WDR26: variants seen among roughly 807,000 people sequenced by gnomAD.
WDR26 encodes the protein WD repeat domain 26, also known as WD repeat-containing protein 26.
WDR26 carries 5 observed loss-of-function variants against 84.1 expected under a neutral mutation model. That is an observed-to-expected ratio of 0.06 (90% CI 0.03 to 0.13). The LOEUF (loss-of-function observed/expected upper bound fraction) is 0.13. Ranked by LOEUF, WDR26 falls within the 10% of genes least tolerant of loss-of-function variation. The pLI is 1.00. For missense variants in WDR26, 642 were observed against 974.9 expected (o/e 0.66, Z 4.55); for synonymous variants, 415 against 389.6 (o/e 1.07, Z -0.77).
At chr1:224,403,886 G>A (rs963830918) in intron 8 of WDR26, among the ~76,000 whole-genome samples, 3 of 152,164 alleles carry the variant, frequency 2.0e-5, no homozygotes, top group Admixed American at 6.5e-5. Context: ...GCAGTGAGCC[G>A]AGATTGCGCC....
chr1:224,399,132 A>AG, intron 9 of WDR26, 98 bp from the exon 10 acceptor site: 2 of 1,209,090 alleles, frequency 1.7e-6, no homozygotes, highest in East Asian at 2.9e-5. Flanking sequence ...TTTTAGTAAC[A>AG]GGTTTTTTTT....
intron 4 of WDR26, among the ~76,000 whole-genome samples, chr1:224,422,597 C>T (rs966267530): frequency 1.3e-5 from 2 of 152,134 alleles, no homozygotes; most frequent in African/African-American, 2.4e-5. Flanking sequence ...TGCCTATAAT[C>T]CCAGCTACTC....
intron 3 of WDR26, among the ~76,000 whole-genome samples, chr1:224,427,895 C>G (rs972538328): frequency 2.6e-5 from 4 of 151,994 alleles, no homozygotes; most frequent in Non-Finnish European, 5.9e-5. Context: ...AAAATTAAAG[C>G]TTGCTGAGAT....
intron 6 of WDR26, chr1:224,413,241 T>G: frequency 9.8e-7 from 1 of 1,025,390 alleles, no homozygotes; most frequent in Non-Finnish European, 1.2e-6. Context: ...ATTTAAACAA[T>G]AATGGATACA....
Position 224,433,989 on chromosome 1 carries a change from G to T in WDR26, c.417C>A (p.Asn139Lys). ...ACGACGACGAGGGGGACGACTCCCC[G>T]TTCTGGGCCGACAAGCAGGCGAGTT... Residue 139 changes from asparagine to lysine, a missense_variant, in exon 1 of 14, where the codon AAC becomes AAA. Around this residue, in one of 2 missense-constraint regions of WDR26, gnomAD observed 291 missense variants for 302.1 expected, o/e 0.96. Coordinates refer to ENST00000414423, the MANE Select transcript of WDR26 (RefSeq NM_001379403.1). 6.6e-7 allele frequency: 1 copy of T among 1,522,958 alleles called. No individual in the cohort carries two copies. The highest frequency in any genetic ancestry group is 8.8e-7 in the Non-Finnish European group (1 of 1,137,776). The allele number at this position is 1,522,958 out of a possible 1,614,324, so 94.3% of individuals were successfully genotyped here.
At position 224,433,916 on chromosome 1, in the gene WDR26, G is replaced by C; in HGVS notation, c.490C>G (p.Pro164Ala). 1 of 1,536,560 alleles carries C rather than the reference G, an allele frequency of 6.5e-7. No individual in the cohort carries two copies. ...TTGCTATTGTTGCTGGCGGCGGAGG[G>C]GGCGGAAGGCAGGAGCCCATTGGCG... The change falls in exon 1 of 14, where the codon CCC becomes GCC. Residue 164 changes from proline (P) to alanine (A), a missense_variant. Physicochemically the swap from Pro to Ala is conservative, Grantham distance 27. This residue lies in a region of WDR26 where 291 missense variants were observed against 302.1 expected (regional missense o/e 0.96). Transcript: ENST00000414423.
rs536886151 is a variant in WDR26 at position 224,387,352 on chromosome 1, G to A, written c.*2483C>T. The A allele has an allele frequency of 6.5e-6, 1 of 152,690 alleles. No individual in the cohort carries two copies. Among genetic ancestry groups the A allele is most frequent in the African/African-American group, 2.4e-5 (1 of 41,554 alleles). 9.5% of individuals were successfully genotyped at this position (152,690 alleles called of 1,614,324 possible). A position where few individuals can be genotyped will look rare whatever the true frequency, so the allele number is the denominator to read the frequency against. ...ATTTCACCTTTCGAGCACAGTCACT[G>A]CATGGCAAATGTATGAAACAGACGT... is the stretch of plus-strand genomic sequence containing the variant. On this transcript the variant is annotated 3_prime_UTR_variant, in exon 14 of 14. Transcript: ENST00000414423.
rs1673033095 is a variant in WDR26 at position 224,388,241 on chromosome 1, A to ATATTATATATTCATGATTC, written c.*1593_*1594insGAATCATGAATATATAATA. On this transcript the variant is annotated 3_prime_UTR_variant, in exon 14 of 14. Coordinates refer to ENST00000414423, the MANE Select transcript of WDR26 (RefSeq NM_001379403.1). ...GATTCTGGAGTCTATTCATGATCAT[A>ATATTATATATTCATGATTC]ATTATATTATAGACTTGGCTACACC... 6.6e-6 allele frequency: 1 copy of ATATTATATATTCATGATTC among 152,134 alleles called. No homozygotes were observed. Among genetic ancestry groups the ATATTATATATTCATGATTC allele is most frequent in the Non-Finnish European group, 1.5e-5 (1 of 68,024 alleles). 9.4% of individuals were successfully genotyped at this position (152,134 alleles called of 1,614,324 possible). A position where few individuals can be genotyped will look rare whatever the true frequency, so the allele number is the denominator to read the frequency against.
In WDR26 at chr1:224,389,489, AC is replaced by A. The variant is rs1336973641; in HGVS notation, c.*345del. 2.0e-6 allele frequency: 1 copy of A among 499,350 alleles called. No homozygotes were observed. The highest frequency in any genetic ancestry group is 3.5e-6 in the Non-Finnish European group (1 of 288,728). The allele number at this position is 499,350 out of a possible 1,614,324, so 30.9% of individuals were successfully genotyped here. A position where few individuals can be genotyped will look rare whatever the true frequency, so the allele number is the denominator to read the frequency against. On this transcript the variant is annotated 3_prime_UTR_variant, in exon 14 of 14. Coordinates refer to ENST00000414423, the MANE Select transcript of WDR26 (RefSeq NM_001379403.1). ...CAAACAAGCATTTAAACTTCATTAC[AC>A]AGAAGAGCAACAAGAATGGTATCCT...
At position 224,398,236 on chromosome 1, in the gene WDR26, AAGG is replaced by A. The variant is rs770171259; in HGVS notation, c.1945-13_1945-11del. 1 of 1,610,996 alleles carries A rather than the reference AAGG, an allele frequency of 6.2e-7. No individual in the cohort carries two copies. Among genetic ancestry groups the A allele is most frequent in the East Asian group, 2.2e-5 (1 of 44,762 alleles). On this transcript the variant is annotated splice_polypyrimidine_tract_variant and intron_variant, in intron 11 of 13. Transcript: ENST00000414423. Reference sequence around the variant, plus strand: ...CCCATAAATGAACTCCCTGCAGGCAAAGGAGAATACAGATATTTAATCTGCCTC... The same window carrying A: ...CCCATAAATGAACTCCCTGCAGGCAAAGAATACAGATATTTAATCTGCCTC...
At chr1:224,419,692 T>C (rs1674002206) in intron 4 of WDR26, 77 bp from the exon 5 acceptor site, 1 of 1,117,352 alleles carries the variant, frequency 8.9e-7, no homozygotes, top group Non-Finnish European at 1.3e-6. Flanking sequence ...GTACTGACCA[T>C]CTGGCTATCT....
chr1:224,386,269 A>G lies in WDR26; in HGVS notation c.*3566T>C, dbSNP rs550974101. 2.0e-5 allele frequency: 3 copies of G among 152,680 alleles called. No individual in the cohort carries two copies. Among genetic ancestry groups the G allele is most frequent in the Non-Finnish European group, 4.4e-5 (3 of 68,038 alleles). The allele number at this position is 152,680 out of a possible 1,614,324, so 9.5% of individuals were successfully genotyped here. ...AGGGCAACCCAAAAGGACAGTTGCG[A>G]AATTATGAATGAGAAATTAAAGTAA... On this transcript the variant is annotated 3_prime_UTR_variant, in exon 14 of 14. Transcript: ENST00000414423.
At chr1:224,398,758 C>T in intron 10 of WDR26, 131 bp downstream of exon 10, 1 of 1,275,218 alleles carries the variant, frequency 7.8e-7, no homozygotes, top group Non-Finnish European at 1.1e-6. Context: ...TACTAAGTAC[C>T]ATGTGACCTT....
chr1:224,389,894 G>T, intron 13 of WDR26, 34 bp from the exon 14 acceptor site: 2 of 1,320,802 alleles, frequency 1.5e-6, no homozygotes, highest in Non-Finnish European at 2.1e-6. Flanking sequence ...TATGGGGGGC[G>T]GGCGGGGGAG....
intron 7 of WDR26, among the ~76,000 whole-genome samples, chr1:224,409,754 T>C (rs1673681472): frequency 6.6e-6 from 1 of 151,606 alleles, no homozygotes; most frequent in Admixed American, 6.6e-5. Context: ...TCCCAGCTAG[T>C]TGGGAGGCTG....
intron 13 of WDR26, among the ~76,000 whole-genome samples, chr1:224,391,376 A>AC (rs1558412292): frequency 1.5e-4 from 16 of 105,328 alleles, no homozygotes; most frequent in African/African-American, 5.5e-4. Context: ...AAAAAAAAAA[A>AC]AAAAAAACAA....
chr1:224,434,663 C>T lies in WDR26; in HGVS notation c.-258G>A. The stretch of plus-strand genomic sequence containing the variant: ...GCGGCTGCGGGGGCGCGGGGCCCGC[C>T]GCTGGGCTGAGCCCCGGCAGTGGCT... On this transcript the variant is annotated 5_prime_UTR_variant, in exon 1 of 14. Transcript: ENST00000414423. The T allele has an allele frequency of 1.2e-6, 1 of 814,718 alleles. No homozygotes were observed. Among genetic ancestry groups the T allele is most frequent in the Non-Finnish European group, 1.5e-6 (1 of 676,632 alleles). The allele number at this position is 814,718 out of a possible 1,614,324, so 50.5% of individuals were successfully genotyped here.
intron 6 of WDR26, among the ~76,000 whole-genome samples, chr1:224,416,853 T>C (rs1244949101): frequency 1.3e-5 from 2 of 152,242 alleles, no homozygotes; most frequent in Non-Finnish European, 2.9e-5. Context: ...CTATATAGTC[T>C]TTTAATCTAT....
chr1:224,403,174 T>C (rs930204332), intron 8 of WDR26, among the ~76,000 whole-genome samples: 1 of 152,004 alleles, frequency 6.6e-6, no homozygotes, highest in African/African-American at 2.4e-5. Flanking sequence ...TGCCTCAGCC[T>C]CCCGAGTAGC....
Sources: gnomAD v4.1 joint callset for allele counts (sites outside exome capture counted in the v4.1 genomes callset) on GRCh38, gnomAD v4.1.1 for gene constraint, gnomAD v4.1.1 regional missense constraint, MANE v1.5 for transcripts, NCBI Gene and HGNC (gene_info 2026-07-23, HGNC 2026-07-21) for gene names.